The following MCPH1 variants were observed in gnomAD, a reference collection of about 807,000 sequenced individuals.
The protein encoded by MCPH1 is microcephalin.
A neutral mutation model predicts 84.5 loss-of-function variants in MCPH1; 104 were observed. The ratio of observed to expected loss-of-function variants is 1.23; its 90% confidence interval spans 1.05 to 1.45. MCPH1 has a LOEUF of 1.45. Ranked by LOEUF, MCPH1 falls within the 40% of genes most tolerant of loss-of-function variation. The probability of loss-of-function intolerance (pLI) is 0.00; values close to 1 mark genes in which losing one functional copy is unlikely to be tolerated. For missense variants in MCPH1, 1,498 were observed against 1,005.7 expected (o/e 1.49, Z -6.62); for synonymous variants, 514 against 366.8 (o/e 1.40, Z -4.58).
intron 3 of MCPH1, among the ~76,000 whole-genome samples, chr8:6,419,462 G>A (rs978405033): frequency 2.6e-5 from 4 of 151,276 alleles, no homozygotes; most frequent in Non-Finnish European, 5.9e-5. Context: ...GCGCAATCTC[G>A]GCTCACTGTA....
At chr8:6,439,632 G>A (rs188089858) in intron 6 of MCPH1, among the ~76,000 whole-genome samples, 5 of 151,920 alleles carry the variant, frequency 3.3e-5, no homozygotes, top group Non-Finnish European at 7.4e-5. Flanking sequence ...CTTAACCTCA[G>A]GTGATACACC....
chr8:6,414,265 C>A (rs1232891244), intron 2 of MCPH1, among the ~76,000 whole-genome samples: 3 of 152,236 alleles, frequency 2.0e-5, no homozygotes, highest in African/African-American at 7.2e-5. Flanking sequence ...GCCTCGGCCT[C>A]CCAAAGTGCT....
At chr8:6,545,882 A>G (rs915884548) in intron 12 of MCPH1, among the ~76,000 whole-genome samples, 10 of 152,234 alleles carry the variant, frequency 6.6e-5, no homozygotes, top group Non-Finnish European at 1.3e-4. Context: ...AGCTACTGCA[A>G]TGCAAGTGTT....
intron 13 of MCPH1, among the ~76,000 whole-genome samples, chr8:6,635,848 G>C (rs1797509437): frequency 6.6e-6 from 1 of 152,188 alleles, no homozygotes. Flanking sequence ...GCATGGTTGG[G>C]AGAGCAGAGG....
chr8:6,483,093 C>T (rs543985023), intron 11 of MCPH1, among the ~76,000 whole-genome samples: 16 of 152,292 alleles, frequency 1.1e-4, no homozygotes, highest in African/African-American at 3.4e-4. Flanking sequence ...GCAAGAATTC[C>T]ATTGAAACTT....
At chr8:6,434,321 C>T (rs1802323756) in intron 4 of MCPH1, among the ~76,000 whole-genome samples, 1 of 152,180 alleles carries the variant, frequency 6.6e-6, no homozygotes, top group Non-Finnish European at 1.5e-5. Flanking sequence ...GAACCAGCCC[C>T]ACTGGCAGAG....
intron 12 of MCPH1, among the ~76,000 whole-genome samples, chr8:6,604,427 C>A (rs1829598444): frequency 6.6e-6 from 1 of 152,268 alleles, no homozygotes; most frequent in South Asian, 2.1e-4. Context: ...CCCTAACAAA[C>A]CTCCAAGACT....
At chr8:6,625,301 C>T (rs894545153) in intron 13 of MCPH1, 8 of 985,428 alleles carry the variant, frequency 8.1e-6, no homozygotes, top group African/African-American at 1.7e-5. Context: ...CTGTGGCAGG[C>T]GTAGGCTTCT....
intron 5 of MCPH1, 135 bp downstream of exon 5, chr8:6,436,297 A>C: frequency 1.0e-6 from 1 of 1,000,460 alleles, no homozygotes; most frequent in Non-Finnish European, 1.4e-6. Context: ...AGGAGAAAAC[A>C]AAATGTCAGG....
chr8:6,513,873 T>C (rs762442005), intron 12 of MCPH1: 3 of 1,573,446 alleles, frequency 1.9e-6, no homozygotes, highest in Non-Finnish European at 2.6e-6. Flanking sequence ...AATTCAATTA[T>C]TTCATGTAAT....
chr8:6,512,599 T>C (rs1815379367), intron 12 of MCPH1, among the ~76,000 whole-genome samples: 2 of 152,198 alleles, frequency 1.3e-5, no homozygotes, highest in Non-Finnish European at 2.9e-5. Context: ...TCTCTGCCCC[T>C]CCCGTTGCAC....
chr8:6,440,280 G>C (rs1803308851), intron 6 of MCPH1, among the ~76,000 whole-genome samples: 1 of 152,010 alleles, frequency 6.6e-6, no homozygotes, highest in African/African-American at 2.4e-5. Context: ...CTAGACATAA[G>C]TCTTTCCAGC....
chr8:6,626,594 C>G, intron 13 of MCPH1: 1 of 983,222 alleles, frequency 1.0e-6, no homozygotes, highest in Non-Finnish European at 1.2e-6. Context: ...GTTACCTTTA[C>G]CTGATATTGA....
chr8:6,412,716 A>G (rs1798712807), intron 2 of MCPH1, among the ~76,000 whole-genome samples: 1 of 152,202 alleles, frequency 6.6e-6, no homozygotes, highest in Non-Finnish European at 1.5e-5. Context: ...GATGGTCTCA[A>G]ATGCTAGACT....
chr8:6,637,526 C>A (rs1425447798), intron 13 of MCPH1, among the ~76,000 whole-genome samples: 1 of 152,166 alleles, frequency 6.6e-6, no homozygotes, highest in Non-Finnish European at 1.5e-5. Context: ...CAGACAGGAC[C>A]ATTCCAGACC....
At position 6,547,562 on chromosome 8, in the gene MCPH1, T is replaced by C. The variant is rs538571755; in HGVS notation, c.2214+47633T>C. ...CTCTGTTTATCAAAGGGGCGCAGAG[T>C]CACAGTAGCACTTTGGACCACCGTA... On this transcript the variant is annotated intron_variant, in intron 12 of 13. Transcript: ENST00000344683. Among the ~76,000 whole-genome samples the C allele has an allele frequency of 3.2e-4, 48 of 152,152 alleles. 1 individual carries two copies. The highest frequency in any genetic ancestry group is 1.1e-3 in the African/African-American group (47 of 41,512).
chr8:6,441,936 G>A, intron 6 of MCPH1, 131 bp from the exon 7 acceptor site: 1 of 680,108 alleles, frequency 1.5e-6, no homozygotes, highest in Non-Finnish European at 2.6e-6. Context: ...TTGACTTTAA[G>A]ATCCCTTCTA....
chr8:6,551,351 C>T lies in MCPH1; in HGVS notation c.2214+51422C>T, dbSNP rs575705330. Among the ~76,000 whole-genome samples the T allele has an allele frequency of 3.2e-4, 49 of 152,174 alleles. No homozygotes were observed. The South Asian group carries it at 8.7e-3, about 27-fold the overall frequency. On this transcript the variant is annotated intron_variant, in intron 12 of 13. Transcript: ENST00000344683. ...TTAATTCTATGCATGTCAGCTGCAA[C>T]GCCTTCATGGCACGGGACAGGCCAA...
At chr8:6,465,634 G>A (rs375757849) in intron 9 of MCPH1, among the ~76,000 whole-genome samples, 15 of 152,314 alleles carry the variant, frequency 9.8e-5, no homozygotes, top group East Asian at 9.7e-4. Context: ...CTGCGACAGC[G>A]GAGGAGGAAG....
Sources: gnomAD v4.1 joint callset for allele counts (sites outside exome capture counted in the v4.1 genomes callset) on GRCh38, gnomAD v4.1.1 for gene constraint, MANE v1.5 for transcripts, NCBI Gene and HGNC (gene_info 2026-07-23, HGNC 2026-07-21) for gene names.